The following PLCXD1 variants were observed in gnomAD, a reference collection of about 807,000 sequenced individuals.
PLCXD1 encodes the protein phosphatidylinositol specific phospholipase C X domain containing 1.
Under a neutral mutation model 37.8 loss-of-function variants are expected in PLCXD1, and 45 were observed. That is an observed-to-expected ratio of 1.19 (90% CI 0.94 to 1.53). The LOEUF is 1.53. PLCXD1 is among the 40% of genes most tolerant of loss of function. PLCXD1 has a pLI of 0.00. For synonymous variants in PLCXD1, 246 were observed against 206.9 expected, an observed-to-expected ratio of 1.19 and a Z score of -1.62; for missense variants, 539 against 454.7, an observed-to-expected ratio of 1.19 and a Z score of -1.69.
intron 6 of PLCXD1, among the ~76,000 whole-genome samples, chrX:296,122 T>A (rs763482727): frequency 5.8e-4 from 87 of 150,872 alleles, no homozygotes; most frequent in Non-Finnish European, 9.6e-4. Flanking sequence ...TTTTTTTGTT[T>A]GTTTTGTTTT....
rs765413198 is a variant in PLCXD1, at chrX:290,568, G to T, written c.265-80G>T. The stretch of plus-strand genomic sequence containing the variant: ...CAGTGGGCAGCAGGACATGCGGGTG[G>T]GCCAACCCCACAGCCCATTCCTGAG... On this transcript the variant is annotated intron_variant, in intron 3 of 6. Transcript: ENST00000381657. 8 of 1,526,322 alleles carry T rather than the reference G, an allele frequency of 5.2e-6. No individual in the cohort carries two copies. The African/African-American group carries it at 6.8e-5, about 13-fold the overall frequency. 94.5% of individuals were successfully genotyped at this position (1,526,322 alleles called of 1,614,324 possible). A position where few individuals can be genotyped will look rare whatever the true frequency, so the allele number is the denominator to read the frequency against.
chrX:278,347 G>A (rs28669107), upstream of PLCXD1, among the ~76,000 whole-genome samples: 3 of 151,898 alleles, frequency 2.0e-5, no homozygotes, highest in Non-Finnish European at 4.4e-5. Context: ...GAGGATGTGA[G>A]TGTACAGCTT....
In PLCXD1 at chrX:296,274, C is replaced by A. The variant is rs749201607; in HGVS notation, c.734-2823C>A. Among the ~76,000 whole-genome samples, 283 of 152,258 alleles carry A rather than the reference C, an allele frequency of 1.9e-3. 1 individual carries two copies. The highest frequency in any genetic ancestry group is 6.6e-3 in the African/African-American group (274 of 41,562). On this transcript the variant is annotated intron_variant, in intron 6 of 6. Coordinates refer to ENST00000381657, the MANE Select transcript of PLCXD1 (RefSeq NM_018390.4). ...TAGCTGGGATTACGGGCACGTACCACCATGCTGAGCTAATTTTTGGATGTG... is the reference window on the plus strand; with the variant it reads ...TAGCTGGGATTACGGGCACGTACCAACATGCTGAGCTAATTTTTGGATGTG...
chrX:294,562 G>A (rs1288752550), intron 6 of PLCXD1, among the ~76,000 whole-genome samples: 10 of 151,864 alleles, frequency 6.6e-5, no homozygotes, highest in East Asian at 2.0e-4. Context: ...TCCAGGAGGC[G>A]GAGGTTGCTG....
In PLCXD1 at chrX:300,428, G is replaced by T. The variant is rs187099670; in HGVS notation, c.*1093G>T. ...TGTGTATATATGTGTATATATCGGT[G>T]TGTATATATGTATGTATGTTTATAC... On this transcript the variant is annotated 3_prime_UTR_variant, in exon 7 of 7. Coordinates refer to ENST00000381657, the MANE Select transcript of PLCXD1 (RefSeq NM_018390.4). 9 of 100,436 alleles carry T rather than the reference G, an allele frequency of 9.0e-5. No homozygotes were observed. Among genetic ancestry groups the T allele is most frequent in the African/African-American group, 2.9e-4 (8 of 27,828 alleles). The allele number at this position is 100,436 out of a possible 1,614,324, so 6.2% of individuals were successfully genotyped here. A position where few individuals can be genotyped will look rare whatever the true frequency, so the allele number is the denominator to read the frequency against.
chrX:292,986 C>T (rs768681541), intron 5 of PLCXD1, 49 bp from the exon 6 acceptor site: 4 of 1,353,608 alleles, frequency 3.0e-6, no homozygotes, highest in Non-Finnish European at 3.1e-6. Context: ...TCCCAGGTGC[C>T]CCCGGCTCTC....
rs2069688807 is a variant in PLCXD1, at chrX:293,094, A to G, written c.609A>G (p.Glu203=). Residue 203 remains glutamate (E), a synonymous_variant, in exon 6 of 7, where the codon GAA becomes GAG. Transcript: ENST00000381657. Reference sequence around the variant, plus strand: ...GCCAACAGGTCATCGTCTCCTATGAAGACGAGAGCTCCTTGCGCCGGCACC... The same window carrying G: ...GCCAACAGGTCATCGTCTCCTATGAGGACGAGAGCTCCTTGCGCCGGCACC... ...SRGQQVIVSY[E]DESSLRRHHE... is the part of the protein sequence containing the mutation. The G allele has an allele frequency of 6.2e-7, 1 of 1,611,914 alleles. No homozygotes were observed. Among genetic ancestry groups the G allele is most frequent in the African/African-American group, 1.3e-5 (1 of 74,870 alleles).
upstream of PLCXD1, among the ~76,000 whole-genome samples, chrX:279,542 C>T (rs766840160): frequency 6.6e-6 from 1 of 152,246 alleles, no homozygotes; most frequent in East Asian, 1.9e-4. Flanking sequence ...GAAGCCAAGG[C>T]GGGCGGATCA....
intron 6 of PLCXD1, among the ~76,000 whole-genome samples, chrX:295,573 G>C (rs994379641): frequency 1.3e-5 from 2 of 150,986 alleles, no homozygotes; most frequent in Non-Finnish European, 3.0e-5. Context: ...TGCCCCGGTC[G>C]GAGTGCAGTG....
At position 282,043 on chromosome X, in the gene PLCXD1, C is replaced by T. The variant is rs896278160; in HGVS notation, c.-22+359C>T. Among the ~76,000 whole-genome samples the T allele has an allele frequency of 1.2e-4, 19 of 152,258 alleles. 1 individual carries two copies. The highest frequency in any genetic ancestry group is 4.3e-4 in the African/African-American group (18 of 41,556). On this transcript the variant is annotated intron_variant, in intron 1 of 6. Coordinates refer to ENST00000381657, the MANE Select transcript of PLCXD1 (RefSeq NM_018390.4). Reference sequence around the variant, plus strand: ...GATGACAGGCGTGAGCCACCGTGCCCGGCCCCTCCAGGTCTCATTTCTAAG... The same window carrying T: ...GATGACAGGCGTGAGCCACCGTGCCTGGCCCCTCCAGGTCTCATTTCTAAG...
At chrX:290,540 TC>T in intron 3 of PLCXD1, 107 bp from the exon 4 acceptor site, 1 of 1,198,066 alleles carries the variant, frequency 8.3e-7, no homozygotes, top group Non-Finnish European at 1.2e-6. Flanking sequence ...GACATCCACG[TC>T]CCAGTGGGCA....
upstream of PLCXD1, among the ~76,000 whole-genome samples, chrX:279,681 G>A (rs2069221229): frequency 6.6e-6 from 1 of 151,876 alleles, no homozygotes; most frequent in South Asian, 2.1e-4. Context: ...GGCTGAGGCA[G>A]GCGAATAGCT....
rs2069371368 is a variant in PLCXD1, at chrX:284,240, A to T, written c.53A>T (p.Asn18Ile). 1 of 1,613,278 alleles carries T rather than the reference A, an allele frequency of 6.2e-7. No individual in the cohort carries two copies. Among genetic ancestry groups the T allele is most frequent in the Non-Finnish European group, 8.5e-7 (1 of 1,179,584 alleles). Residue 18 changes from asparagine to isoleucine, a missense_variant, in exon 2 of 7, where the codon AAT becomes ATT. Coordinates refer to ENST00000381657, the MANE Select transcript of PLCXD1 (RefSeq NM_018390.4). ...SNSFSRLHCR[N>I]ANEDWMSALC... ...AGCTTCTCGAGGCTGCACTGCAGAAATGCCAACGAGGACTGGATGTCGGCA... is the reference window on the plus strand; with the variant it reads ...AGCTTCTCGAGGCTGCACTGCAGAATTGCCAACGAGGACTGGATGTCGGCA...
chrX:276,590 G>A (rs755385202), upstream of PLCXD1, among the ~76,000 whole-genome samples: 78 of 152,250 alleles, frequency 5.1e-4, no homozygotes, highest in African/African-American at 1.8e-3. Context: ...TCTGTGGCCT[G>A]GACGTTGGCA....
In PLCXD1 at chrX:291,491, C is replaced by G. The variant is rs769484253; in HGVS notation, c.394-8C>G. On this transcript the variant is annotated splice_region_variant and splice_polypyrimidine_tract_variant and intron_variant, in intron 4 of 6. Coordinates refer to ENST00000381657, the MANE Select transcript of PLCXD1 (RefSeq NM_018390.4). ...GTGCAGGACTCAGCCCAGCACCCCC[C>G]TCCCCAGGACACACTCACGGAAATC... is the stretch of plus-strand genomic sequence containing the variant. 8 of 1,612,298 alleles carry G rather than the reference C, an allele frequency of 5.0e-6. No individual in the cohort carries two copies. Among genetic ancestry groups the G allele is most frequent in the Non-Finnish European group, 6.8e-6 (8 of 1,179,808 alleles).
chrX:300,630 A>G lies in PLCXD1; in HGVS notation c.*1295A>G, dbSNP rs1190395621. 13 of 152,092 alleles carry G rather than the reference A, an allele frequency of 8.5e-5. No individual in the cohort carries two copies. The highest frequency in any genetic ancestry group is 1.5e-4 in the Non-Finnish European group (10 of 68,034). The allele number at this position is 152,092 out of a possible 1,614,324, so 9.4% of individuals were successfully genotyped here. On this transcript the variant is annotated 3_prime_UTR_variant, in exon 7 of 7. Transcript: ENST00000381657. ...TGTATGCGTGTATACGTGTATGTATACATGTATATGTGTGTATGCGTGTAT... is the reference window on the plus strand; with the variant it reads ...TGTATGCGTGTATACGTGTATGTATGCATGTATATGTGTGTATGCGTGTAT...
intron 6 of PLCXD1, among the ~76,000 whole-genome samples, 186 bp from the exon 7 acceptor site, chrX:298,911 A>T (rs747401422): frequency 2.7e-4 from 41 of 152,188 alleles, no homozygotes; most frequent in African/African-American, 9.2e-4. Flanking sequence ...TTACGACGTG[A>T]GCATCTTTGG....
chrX:291,702 C>G, intron 5 of PLCXD1, 48 bp downstream of exon 5: 3 of 1,593,038 alleles, frequency 1.9e-6, no homozygotes, highest in Non-Finnish European at 2.6e-6. Flanking sequence ...GCAGGGGCAT[C>G]GTCAGCCTCA....
At chrX:284,585 C>T (rs1305884415) in intron 2 of PLCXD1, among the ~76,000 whole-genome samples, 1 of 204 alleles carries the variant, frequency 4.9e-3, no homozygotes, top group African/African-American at 0.02. Context: ...GGCATACATG[C>T]ACACACGCAC....
Sources: allele counts gnomAD v4.1 joint callset (sites outside exome capture counted in the v4.1 genomes callset), GRCh38; gene constraint gnomAD v4.1.1; transcripts MANE v1.5; gene names NCBI Gene and HGNC (gene_info 2026-07-23, HGNC 2026-07-21).